The following CDH2 variants were observed in gnomAD, a reference collection of about 807,000 sequenced individuals.
The protein encoded by CDH2 is cadherin-2.
In CDH2, 17 loss-of-function variants were observed where a neutral mutation model predicts 92.0. The ratio of observed to expected loss-of-function variants is 0.18; its 90% confidence interval spans 0.13 to 0.28. The LOEUF (loss-of-function observed/expected upper bound fraction) is 0.28, where lower values mean the gene tolerates loss of function less well. Among genes scored for constraint, CDH2 ranks in the 10% least tolerant of loss-of-function variants. CDH2 has a pLI of 1.00. For missense variants in CDH2, 862 were observed against 1,133.1 expected, an observed-to-expected ratio of 0.76 and a Z score of 3.44; for synonymous variants, 419 against 415.9, an observed-to-expected ratio of 1.01 and a Z score of -0.09.
chr18:28,107,204 T>C (rs1419863323), intron 2 of CDH2, among the ~76,000 whole-genome samples: 1 of 151,688 alleles, frequency 6.6e-6, no homozygotes, highest in Non-Finnish European at 1.5e-5. Context: ...TGAAACAATA[T>C]ACATATAATA....
At chr18:27,957,700 C>A (rs149219600) in intron 15 of CDH2, among the ~76,000 whole-genome samples, 4 of 152,112 alleles carry the variant, frequency 2.6e-5, no homozygotes, top group Admixed American at 2.0e-4. Flanking sequence ...TTGTCCTGGG[C>A]GTAGTTTTTC....
Position 28,108,474 on chromosome 18 carries a change from C to T in CDH2, c.172+39199G>A, listed in dbSNP as rs533839955. Among the ~76,000 whole-genome samples, 9 of 152,200 alleles carry T rather than the reference C, an allele frequency of 5.9e-5. No individual in the cohort carries two copies. In the South Asian group the frequency reaches 1.9e-3, roughly 32 times the overall value. ...AAATGCAATCACATACACTTGAGTC[C>T]TGGCCAAGTCTAACTCACCCTGACA... On this transcript the variant is annotated intron_variant, in intron 2 of 15. Coordinates refer to ENST00000269141, the MANE Select transcript of CDH2 (RefSeq NM_001792.5).
At chr18:28,061,831 A>G (rs554548605) in intron 2 of CDH2, among the ~76,000 whole-genome samples, 1 of 152,186 alleles carries the variant, frequency 6.6e-6, no homozygotes, top group South Asian at 2.1e-4. Flanking sequence ...CCCTTTATAA[A>G]ACCATCAGAT....
intron 6 of CDH2, among the ~76,000 whole-genome samples, chr18:27,934,573 T>C (rs1455535094): frequency 6.6e-6 from 1 of 152,222 alleles, no homozygotes; most frequent in Non-Finnish European, 1.5e-5. Context: ...ATACTAATTT[T>C]AATAATACAT....
At position 27,992,781 on chromosome 18, in the gene CDH2, G is replaced by T; in HGVS notation, c.1218C>A (p.Thr406=). Residue 406 remains threonine (T), a synonymous_variant, in exon 9 of 16, where the codon ACC becomes ACA. Coordinates refer to ENST00000269141, the MANE Select transcript of CDH2 (RefSeq NM_001792.5). ...CTGGTGTATGGGGTTGATCCTTATCGGTCACAGTTAGATTAGCTACTATGA... is the reference window on the plus strand; with the variant it reads ...CTGGTGTATGGGGTTGATCCTTATCTGTCACAGTTAGATTAGCTACTATGA... ...VDIIVANLTV[T]DKDQPHTPAW... is the part of the protein sequence containing the mutation. 1 of 1,613,716 alleles carries T rather than the reference G, an allele frequency of 6.2e-7. No homozygotes were observed. Among genetic ancestry groups the T allele is most frequent in the Non-Finnish European group, 8.5e-7 (1 of 1,179,742 alleles).
intron 14 of CDH2, among the ~76,000 whole-genome samples, chr18:27,970,659 C>A (rs1271852835): frequency 6.6e-6 from 1 of 152,136 alleles, no homozygotes; most frequent in African/African-American, 2.4e-5. Flanking sequence ...CCATGCTAAC[C>A]TTAATAGTAT....
chr18:27,969,445 T>A (rs1300848444), intron 14 of CDH2, among the ~76,000 whole-genome samples: 1 of 152,214 alleles, frequency 6.6e-6, no homozygotes, highest in African/African-American at 2.4e-5. Context: ...GAATTATGAA[T>A]GAGCTATAGG....
At chr18:28,110,050 G>T (rs79861290) in intron 2 of CDH2, among the ~76,000 whole-genome samples, 1 of 152,134 alleles carries the variant, frequency 6.6e-6, no homozygotes, top group African/African-American at 2.4e-5. Flanking sequence ...GTCCTTTTCT[G>T]AGGTAAGAGG....
chr18:28,087,609 G>T (rs2014957895), intron 2 of CDH2, among the ~76,000 whole-genome samples: 1 of 151,948 alleles, frequency 6.6e-6, no homozygotes, highest in Non-Finnish European at 1.5e-5. Flanking sequence ...AATAACCCTT[G>T]TCTCCACACT....
chr18:28,057,777 C>A (rs1195462105), intron 2 of CDH2, among the ~76,000 whole-genome samples: 1 of 152,076 alleles, frequency 6.6e-6, no homozygotes, highest in Non-Finnish European at 1.5e-5. Context: ...ATTGGACAAT[C>A]GAAGTTGGTA....
chr18:28,057,141 A>G (rs377008465), intron 2 of CDH2, among the ~76,000 whole-genome samples: 40 of 152,282 alleles, frequency 2.6e-4, no homozygotes, highest in African/African-American at 9.1e-4. Flanking sequence ...ATCTTCAAGG[A>G]GGTTCATGGA....
intron 5 of CDH2, among the ~76,000 whole-genome samples, chr18:28,007,697 ATTCTG>A (rs1240892373): frequency 1.3e-5 from 2 of 152,014 alleles, no homozygotes; most frequent in Non-Finnish European, 2.9e-5. Context: ...TTTACAATTA[ATTCTG>A]TTCTGTTATG....
At chr18:28,082,211 G>A (rs762492866) in intron 2 of CDH2, among the ~76,000 whole-genome samples, 19 of 151,834 alleles carry the variant, frequency 1.3e-4, no homozygotes, top group African/African-American at 2.7e-4. Context: ...GTTAGAGACC[G>A]GCCTGGGAAA....
intron 2 of CDH2, among the ~76,000 whole-genome samples, chr18:28,120,991 T>C (rs1433418247): frequency 6.6e-6 from 1 of 152,126 alleles, no homozygotes; most frequent in Non-Finnish European, 1.5e-5. Flanking sequence ...TGATATTTGA[T>C]AGGCTCCTTC....
At chr18:28,154,102 C>T (rs1398483836) in intron 1 of CDH2, among the ~76,000 whole-genome samples, 1 of 152,226 alleles carries the variant, frequency 6.6e-6, no homozygotes, top group African/African-American at 2.4e-5. Context: ...CAAAACGGCA[C>T]AGCTACCTTT....
intron 1 of CDH2, among the ~76,000 whole-genome samples, chr18:28,153,602 C>T (rs1347687649): frequency 1.3e-5 from 2 of 152,216 alleles, no homozygotes; most frequent in Non-Finnish European, 2.9e-5. Context: ...GTGACTGCAG[C>T]ATGAACTTCC....
chr18:28,152,933 G>A (rs975417257), intron 1 of CDH2, among the ~76,000 whole-genome samples: 8 of 152,170 alleles, frequency 5.3e-5, no homozygotes, highest in Non-Finnish European at 8.8e-5. Context: ...GGACTCACTG[G>A]GGGAGGGAGG....
At chr18:28,089,513 T>C (rs1201646583) in intron 2 of CDH2, among the ~76,000 whole-genome samples, 1 of 152,194 alleles carries the variant, frequency 6.6e-6, no homozygotes, top group Non-Finnish European at 1.5e-5. Context: ...GTTTCCATAA[T>C]CATTTTTTTA....
At chr18:27,980,489 G>C (rs1451486945) in intron 14 of CDH2, among the ~76,000 whole-genome samples, 1 of 152,104 alleles carries the variant, frequency 6.6e-6, no homozygotes, top group African/African-American at 2.4e-5. Context: ...GCCTTGGTGT[G>C]GCACTCCTAC....
Sources: allele counts gnomAD v4.1 joint callset (sites outside exome capture counted in the v4.1 genomes callset), GRCh38; gene constraint gnomAD v4.1.1; transcripts MANE v1.5; gene names NCBI Gene and HGNC (gene_info 2026-07-23, HGNC 2026-07-21).